Variants in LRP1B observed in about 807,000 individuals in gnomAD.
The protein encoded by LRP1B is low-density lipoprotein receptor-related protein 1B.
A neutral mutation model predicts 556.6 loss-of-function variants in LRP1B; 217 were observed. The observed-to-expected ratio is 0.39, with a 90% CI of 0.35 to 0.44. The LOEUF is 0.44. Among genes scored for constraint, LRP1B ranks in the 20% least tolerant of loss-of-function variants. The pLI, the probability that LRP1B is intolerant of heterozygous loss-of-function variation, is 1.00. For missense variants in LRP1B, 5,053 were observed against 5,620.8 expected (o/e 0.90, Z 3.23); for synonymous variants, 2,047 against 1,865.8 (o/e 1.10, Z -2.50).
In LRP1B at chr2:141,725,877, A is replaced by G. The variant is rs369598226; in HGVS notation, c.205+84402T>C. On this transcript the variant is annotated intron_variant, in intron 2 of 90. Coordinates refer to ENST00000389484, the MANE Select transcript of LRP1B (RefSeq NM_018557.3). ...AAAAATCTGTTTTTAAAAATCTGTA[A>G]TATGTTTCCACCCTGTAATAAGAAG... Among the ~76,000 whole-genome samples, 23 of 151,938 alleles carry G rather than the reference A, an allele frequency of 1.5e-4. No individual in the cohort carries two copies. In the East Asian group the frequency reaches 4.3e-3, roughly 28 times the overall value.
intron 41 of LRP1B, among the ~76,000 whole-genome samples, chr2:140,641,972 A>T (rs549871): frequency 0.16 from 23,670 of 152,186 alleles, 2,213 homozygotes; most frequent in African/African-American, 0.25. Context: ...GAACAATAGA[A>T]TTGGAAGAAA....
At chr2:140,674,480 C>T (rs1685600394) in intron 41 of LRP1B, among the ~76,000 whole-genome samples, 1 of 152,198 alleles carries the variant, frequency 6.6e-6, no homozygotes, top group African/African-American at 2.4e-5. Flanking sequence ...AACCCAGACA[C>T]TCCTTTCTAC....
chr2:141,709,365 T>TAAATA (rs70994445), intron 2 of LRP1B, among the ~76,000 whole-genome samples: 9,468 of 148,024 alleles, frequency 0.064, 375 homozygotes, highest in African/African-American at 0.1. Flanking sequence ...TAAAAGAAAA[T>TAAATA]AAATAAAATA....
At chr2:141,191,362 G>A (rs992536533) in intron 6 of LRP1B, among the ~76,000 whole-genome samples, 4 of 151,930 alleles carry the variant, frequency 2.6e-5, no homozygotes, top group African/African-American at 9.7e-5. Context: ...TCTGCAATCT[G>A]AGCCTAAACT....
intron 66 of LRP1B, among the ~76,000 whole-genome samples, chr2:140,427,376 C>T (rs1333362958): frequency 6.6e-6 from 1 of 152,118 alleles, no homozygotes; most frequent in Non-Finnish European, 1.5e-5. Context: ...TTAAACTTGC[C>T]TCCTTCACTA....
In LRP1B at chr2:140,669,854, C is replaced by G. The variant is rs191529029; in HGVS notation, c.6799+30396G>C. Among the ~76,000 whole-genome samples the G allele has an allele frequency of 1.3e-3, 196 of 148,160 alleles. 1 individual carries two copies. Among genetic ancestry groups the G allele is most frequent in the Non-Finnish European group, 2.5e-3 (167 of 66,026 alleles). ...TTTCACTCACATAGTGATAATCGCA[C>G]ACATATTAATTCATATTACTATAGT... On this transcript the variant is annotated intron_variant, in intron 41 of 90. Coordinates refer to ENST00000389484, the MANE Select transcript of LRP1B (RefSeq NM_018557.3).
rs561013800 is a variant in LRP1B, at chr2:140,905,581, GC to G, written c.3520+2295del. Reference sequence around the variant, plus strand: ...CCCAGTGGGGGTCTTACTCTTACTTGCTGCCACTGCCTCTTGTCACAAAGAT... The same window carrying G: ...CCCAGTGGGGGTCTTACTCTTACTTGTGCCACTGCCTCTTGTCACAAAGAT... On this transcript the variant is annotated intron_variant, in intron 22 of 90. Transcript: ENST00000389484. Among the ~76,000 whole-genome samples the G allele has an allele frequency of 2.0e-5, 3 of 152,178 alleles. No homozygotes were observed. The South Asian group carries it at 6.2e-4, about 32-fold the overall frequency.
intron 19 of LRP1B, 77 bp downstream of exon 19, chr2:140,951,783 T>C: frequency 8.7e-7 from 1 of 1,148,672 alleles, no homozygotes; most frequent in Non-Finnish European, 1.3e-6. Flanking sequence ...ACAAAGTACC[T>C]CTGAAGAAAG....
At chr2:141,411,303 T>G (rs1376600149) in intron 3 of LRP1B, among the ~76,000 whole-genome samples, 1 of 152,122 alleles carries the variant, frequency 6.6e-6, no homozygotes, top group Non-Finnish European at 1.5e-5. Context: ...ACAAAACTTC[T>G]GTTTAGACAT....
chr2:141,995,768 C>T (rs774405154), intron 1 of LRP1B, among the ~76,000 whole-genome samples: 1 of 151,966 alleles, frequency 6.6e-6, no homozygotes, highest in African/African-American at 2.4e-5. Flanking sequence ...TTTCAAGAAA[C>T]GTAAATATAA....
At chr2:141,653,341 G>C (rs1022146869) in intron 2 of LRP1B, among the ~76,000 whole-genome samples, 1 of 152,168 alleles carries the variant, frequency 6.6e-6, no homozygotes, top group African/African-American at 2.4e-5. Context: ...ATGGGAACTA[G>C]AGACTGAACC....
At chr2:140,515,310 C>T (rs900548559) in intron 50 of LRP1B, among the ~76,000 whole-genome samples, 2 of 151,868 alleles carry the variant, frequency 1.3e-5, no homozygotes, top group African/African-American at 4.8e-5. Flanking sequence ...GTGTTGCTTC[C>T]TTGGAAACAC....
chr2:140,425,132 G>C (rs1685601675), intron 66 of LRP1B, among the ~76,000 whole-genome samples: 1 of 150,910 alleles, frequency 6.6e-6, no homozygotes, highest in South Asian at 2.1e-4. Context: ...ATTTTTGATT[G>C]GTTTATCATT....
chr2:141,005,153 T>C (rs998696070), intron 15 of LRP1B, among the ~76,000 whole-genome samples, 182 bp downstream of exon 15: 3 of 152,068 alleles, frequency 2.0e-5, no homozygotes, highest in Admixed American at 6.6e-5. Context: ...ACCATCATTG[T>C]CAATATTCAT....
At chr2:140,561,105 C>T (rs1408043322) in intron 43 of LRP1B, among the ~76,000 whole-genome samples, 1 of 152,130 alleles carries the variant, frequency 6.6e-6, no homozygotes, top group Non-Finnish European at 1.5e-5. Flanking sequence ...AAATACAATT[C>T]CTCTTCCCCA....
At chr2:141,033,350 G>A (rs1698434545) in intron 11 of LRP1B, among the ~76,000 whole-genome samples, 2 of 151,962 alleles carry the variant, frequency 1.3e-5, no homozygotes, top group Non-Finnish European at 2.9e-5. Flanking sequence ...TGAGTGACAG[G>A]AAGTCATTGG....
intron 2 of LRP1B, among the ~76,000 whole-genome samples, chr2:141,727,320 C>T (rs1320373743): frequency 2.6e-5 from 4 of 152,096 alleles, no homozygotes; most frequent in African/African-American, 9.7e-5. Flanking sequence ...ATAATTGCCC[C>T]AAGGTCACGC....
chr2:141,095,286 G>A (rs1700269307), intron 7 of LRP1B, among the ~76,000 whole-genome samples: 1 of 111,170 alleles, frequency 9.0e-6, no homozygotes, highest in African/African-American at 3.1e-5. Context: ...GTTTTTTGGA[G>A]GAAAAGCTTT....
intron 2 of LRP1B, among the ~76,000 whole-genome samples, chr2:141,775,626 G>A (rs1466717188): frequency 6.6e-6 from 1 of 152,232 alleles, no homozygotes; most frequent in Non-Finnish European, 1.5e-5. Flanking sequence ...TGGCAGAGTG[G>A]AGTGAACTCA....
Sources: allele counts gnomAD v4.1 joint callset (sites outside exome capture counted in the v4.1 genomes callset), GRCh38; gene constraint gnomAD v4.1.1; transcripts MANE v1.5; gene names NCBI Gene and HGNC (gene_info 2026-07-23, HGNC 2026-07-21).